AGTPBP1: variants seen among roughly 807,000 people sequenced by gnomAD.
The protein encoded by AGTPBP1 is ATP/GTP binding carboxypeptidase 1.
Under a neutral mutation model 143.9 loss-of-function variants are expected in AGTPBP1, and 70 were observed. The ratio of observed to expected loss-of-function variants is 0.49; its 90% CI spans 0.40 to 0.59. The LOEUF is 0.59. AGTPBP1 is among the 20% of genes least tolerant of loss of function. AGTPBP1 has a pLI of 0.00. For synonymous variants in AGTPBP1, 463 were observed against 500.2 expected (o/e 0.93, Z 0.99); for missense variants, 1,229 against 1,464.5 (o/e 0.84, Z 2.62).
chr9:85,601,279 T>C (rs1829652785), intron 17 of AGTPBP1, among the ~76,000 whole-genome samples: 1 of 151,970 alleles, frequency 6.6e-6, no homozygotes, highest in South Asian at 2.1e-4. Flanking sequence ...ACTCAAACAC[T>C]CTAAGGGGAG....
At position 85,604,510 on chromosome 9, in the gene AGTPBP1, T is replaced by C. The variant is rs146395930; in HGVS notation, c.2336-8061A>G. On this transcript the variant is annotated intron_variant, in intron 17 of 25. Coordinates refer to ENST00000357081, the MANE Select transcript of AGTPBP1 (RefSeq NM_001330701.2). ...ATTTGGAAACCCTTCCCAAGAAAGA[T>C]GGGTACAAATAAGCCCAGACTCTGA... 2.0e-3 allele frequency among the ~76,000 whole-genome samples: 311 copies of C among 152,228 alleles called. 1 individual carries two copies. The highest frequency in any genetic ancestry group is 6.2e-3 in the African/African-American group (259 of 41,542).
intron 3 of AGTPBP1, among the ~76,000 whole-genome samples, chr9:85,687,124 G>A (rs970261583): frequency 2.0e-5 from 3 of 152,086 alleles, no homozygotes; most frequent in Non-Finnish European, 4.4e-5. Flanking sequence ...TTTAAGTCTA[G>A]AACTATTATG....
Position 85,584,551 on chromosome 9 carries a change from G to C in AGTPBP1, c.3165+912C>G, listed in dbSNP as rs565024176. Reference sequence around the variant, plus strand: ...ATGAAATTTACAGGTTGGAAATCTAGTTGAGAATTGTGAAGGCTTTGCTCC... The same window carrying C: ...ATGAAATTTACAGGTTGGAAATCTACTTGAGAATTGTGAAGGCTTTGCTCC... On this transcript the variant is annotated intron_variant, in intron 23 of 25. Coordinates refer to ENST00000357081, the MANE Select transcript of AGTPBP1 (RefSeq NM_001330701.2). Among the ~76,000 whole-genome samples, 3 of 152,286 alleles carry C rather than the reference G, an allele frequency of 2.0e-5. No individual in the cohort carries two copies. In the East Asian group the frequency reaches 5.8e-4, roughly 29 times the overall value.
intron 25 of AGTPBP1, among the ~76,000 whole-genome samples, chr9:85,568,018 T>C (rs1044110522): frequency 1.3e-5 from 2 of 152,036 alleles, no homozygotes; most frequent in African/African-American, 4.8e-5. Flanking sequence ...AAGAATAAAA[T>C]CTTAAAGAAG....
intron 25 of AGTPBP1, among the ~76,000 whole-genome samples, chr9:85,561,765 A>AG (rs1826744825): frequency 6.6e-6 from 1 of 151,992 alleles, no homozygotes; most frequent in South Asian, 2.1e-4. Context: ...AGATACGTTG[A>AG]GGGGGGTTAA....
At chr9:85,685,726 A>C (rs1835447605) in intron 3 of AGTPBP1, among the ~76,000 whole-genome samples, 1 of 152,102 alleles carries the variant, frequency 6.6e-6, no homozygotes, top group Non-Finnish European at 1.5e-5. Context: ...CTGCAAATGT[A>C]AAAACTACCT....
intron 23 of AGTPBP1, among the ~76,000 whole-genome samples, chr9:85,580,566 C>A (rs1168778337): frequency 6.6e-6 from 1 of 151,886 alleles, no homozygotes; most frequent in Admixed American, 6.6e-5. Context: ...GAAAACTCAA[C>A]CTTATTTATA....
rs1829302172 is a variant in AGTPBP1 at position 85,596,390 on chromosome 9, G to A, written c.2395C>T (p.Arg799Cys). 1 of 1,610,020 alleles carries A rather than the reference G, an allele frequency of 6.2e-7. No individual in the cohort carries two copies. Residue 799 changes from arginine (R) to cysteine (C), a missense_variant, in exon 18 of 26, where the codon CGT (arginine) becomes TGT (cysteine). By Grantham distance (180) the Arg-to-Cys change is radical. Coordinates refer to ENST00000357081, the MANE Select transcript of AGTPBP1 (RefSeq NM_001330701.2). ...EALNARPWWI[R>C]MGTDICYYKN... is the part of the protein sequence containing the mutation. ...TAGTAACAAATGTCAGTCCCCATACGAATCCACCATGGTCTGGCATTTAAT... is the reference window on the plus strand; with the variant it reads ...TAGTAACAAATGTCAGTCCCCATACAAATCCACCATGGTCTGGCATTTAAT...
upstream of AGTPBP1, among the ~76,000 whole-genome samples, chr9:85,743,120 C>T (rs1017240391): frequency 6.6e-6 from 1 of 152,132 alleles, no homozygotes; most frequent in African/African-American, 2.4e-5. Context: ...TTGAAACAAC[C>T]ACCACCCCAA....
the AGTPBP1 span, chr9:85,785,993 A>G: frequency 3.7e-6 from 3 of 805,580 alleles, no homozygotes; most frequent in Non-Finnish European, 5.9e-6. Flanking sequence ...GTTGAACAAC[A>G]TTATGCATAT....
intron 1 of AGTPBP1, among the ~76,000 whole-genome samples, chr9:85,726,017 CT>C (rs1838455226): frequency 7.4e-6 from 1 of 135,790 alleles, no homozygotes; most frequent in Admixed American, 7.9e-5. Flanking sequence ...GATCATGCTA[CT>C]TGCACTCCAG....
At chr9:85,594,178 G>C (rs903817107) in intron 18 of AGTPBP1, among the ~76,000 whole-genome samples, 7 of 152,166 alleles carry the variant, frequency 4.6e-5, no homozygotes, top group African/African-American at 1.7e-4. Flanking sequence ...GCAGTTTCTA[G>C]TTTATAAACC....
chr9:85,717,562 C>A (rs1837788572), intron 1 of AGTPBP1, among the ~76,000 whole-genome samples: 1 of 152,058 alleles, frequency 6.6e-6, no homozygotes, highest in Non-Finnish European at 1.5e-5. Context: ...GTTCGTGTGC[C>A]TCCCAAAATC....
chr9:85,582,757 G>A (rs1251143991), intron 23 of AGTPBP1, among the ~76,000 whole-genome samples: 1 of 151,924 alleles, frequency 6.6e-6, no homozygotes, highest in Admixed American at 6.6e-5. Flanking sequence ...GCACTAAAAG[G>A]ACAAAGCAGT....
At chr9:85,792,495 C>T in the AGTPBP1 span, among the ~76,000 whole-genome samples, 1 of 152,190 alleles carries the variant, frequency 6.6e-6, no homozygotes, top group Non-Finnish European at 1.5e-5. Flanking sequence ...TAAGCCCATC[C>T]GTTTCACTAG....
intron 3 of AGTPBP1, among the ~76,000 whole-genome samples, chr9:85,688,556 G>C (rs1169193577): frequency 6.6e-6 from 1 of 152,128 alleles, no homozygotes; most frequent in African/African-American, 2.4e-5. Flanking sequence ...AGGAATGAAA[G>C]ACACATCACT....
chr9:85,622,223 G>C (rs1830979889), intron 14 of AGTPBP1, among the ~76,000 whole-genome samples: 1 of 152,222 alleles, frequency 6.6e-6, no homozygotes, highest in African/African-American at 2.4e-5. Context: ...GATTAGAACT[G>C]TGGCTTATAG....
intron 8 of AGTPBP1, among the ~76,000 whole-genome samples, chr9:85,668,851 G>GA (rs1442781739): frequency 6.6e-6 from 1 of 151,070 alleles, no homozygotes; most frequent in Non-Finnish European, 1.5e-5. Context: ...AAATTTTAAA[G>GA]AAAGACCTCT....
intron 11 of AGTPBP1, among the ~76,000 whole-genome samples, chr9:85,648,326 C>A (rs928091482): frequency 6.6e-6 from 1 of 152,044 alleles, no homozygotes; most frequent in Admixed American, 6.6e-5. Context: ...TTTAGTCGAC[C>A]CTAACTAATA....
Sources: allele counts gnomAD v4.1 joint callset (sites outside exome capture counted in the v4.1 genomes callset), GRCh38; gene constraint gnomAD v4.1.1; transcripts MANE v1.5; gene names NCBI Gene and HGNC (gene_info 2026-07-23, HGNC 2026-07-21).